Variants in NBAS observed in about 807,000 individuals in gnomAD.
NBAS encodes NAG/BC035112 fusion.
Under a neutral mutation model 302.5 loss-of-function variants are expected in NBAS, and 219 were observed. The observed-to-expected ratio is 0.72, with a 90% confidence interval of 0.65 to 0.81. The LOEUF is 0.81. NBAS is among the 30% of genes least tolerant of loss of function. NBAS has a pLI of 0.00. For missense variants in NBAS, 2,932 were observed against 2,841.6 expected (o/e 1.03, Z -0.72); for synonymous variants, 1,118 against 1,021.6 (o/e 1.09, Z -1.80).
chr2:15,488,237 T>C (rs967653375), intron 12 of NBAS, among the ~76,000 whole-genome samples: 1 of 152,194 alleles, frequency 6.6e-6, no homozygotes, highest in African/African-American at 2.4e-5. Context: ...AGATTTATAA[T>C]ACAAGCTATT....
intron 35 of NBAS, among the ~76,000 whole-genome samples, chr2:15,347,646 C>T (rs573021838): frequency 9.9e-4 from 151 of 152,164 alleles, no homozygotes; most frequent in Non-Finnish European, 2.0e-3. Flanking sequence ...ACCTTGTATA[C>T]AATCCATTTC....
At chr2:14,935,954 G>A in the NBAS span, among the ~76,000 whole-genome samples, 2 of 152,284 alleles carry the variant, frequency 1.3e-5, no homozygotes, top group Non-Finnish European at 2.9e-5. Context: ...AGGAGTCTCA[G>A]TAGAACACTG....
At chr2:15,260,936 T>C (rs1668823182) in intron 44 of NBAS, among the ~76,000 whole-genome samples, 1 of 152,228 alleles carries the variant, frequency 6.6e-6, no homozygotes, top group African/African-American at 2.4e-5. Context: ...CACAGTCTAG[T>C]GGTCTGTTTT....
the NBAS span, among the ~76,000 whole-genome samples, chr2:15,152,091 C>T: frequency 6.6e-6 from 1 of 152,164 alleles, no homozygotes; most frequent in Admixed American, 6.5e-5. Context: ...CTCAAGTGAT[C>T]CGCCTGCCTC....
the NBAS span, among the ~76,000 whole-genome samples, chr2:14,912,898 C>T: frequency 1.6e-4 from 24 of 152,012 alleles, no homozygotes; most frequent in Non-Finnish European, 3.1e-4. Flanking sequence ...TGAAATTTCC[C>T]AAGAGCATTT....
chr2:15,291,183 TGTG>T (rs1007418485), intron 41 of NBAS, among the ~76,000 whole-genome samples: 32 of 152,218 alleles, frequency 2.1e-4, no homozygotes, highest in African/African-American at 7.7e-4. Context: ...AGGGGAGGCC[TGTG>T]GTGCTGTGGT....
chr2:15,083,663 TATCACAACAAA>T, the NBAS span, among the ~76,000 whole-genome samples: 13 of 152,224 alleles, frequency 8.5e-5, no homozygotes, highest in Non-Finnish European at 1.3e-4. Context: ...CCTTTTCAAT[TATCACAACAAA>T]ATCACAGTTG....
At chr2:15,323,241 T>G (rs1406291496) in intron 38 of NBAS, among the ~76,000 whole-genome samples, 3 of 152,174 alleles carry the variant, frequency 2.0e-5, no homozygotes, top group Non-Finnish European at 4.4e-5. Context: ...ATGACTCCAA[T>G]AGACACACTG....
At chr2:15,040,004 C>T in the NBAS span, among the ~76,000 whole-genome samples, 1 of 152,202 alleles carries the variant, frequency 6.6e-6, no homozygotes, top group Non-Finnish European at 1.5e-5. Flanking sequence ...TCTTCCCCGT[C>T]TCCAGAGAGA....
chr2:14,930,907 G>T, the NBAS span, among the ~76,000 whole-genome samples: 2 of 152,180 alleles, frequency 1.3e-5, no homozygotes, highest in East Asian at 3.9e-4. Flanking sequence ...ATAATTTTCT[G>T]AGTCTTACAA....
intron 9 of NBAS, among the ~76,000 whole-genome samples, chr2:15,518,129 GAA>G (rs5829507): frequency 0.11 from 15,186 of 134,132 alleles, 2,207 homozygotes; most frequent in African/African-American, 0.35. Flanking sequence ...AAGTCTAGGG[GAA>G]AAAAAAAAAA....
chr2:15,499,820 A>T (rs1249051295), intron 11 of NBAS, among the ~76,000 whole-genome samples: 1 of 152,246 alleles, frequency 6.6e-6, no homozygotes, highest in East Asian at 1.9e-4. Context: ...AGACTATTTT[A>T]AAACGTTTTG....
At chr2:15,495,954 CA>C (rs540384768) in intron 11 of NBAS, among the ~76,000 whole-genome samples, 111 of 151,972 alleles carry the variant, frequency 7.3e-4, no homozygotes, top group Non-Finnish European at 1.3e-3. Context: ...GATATTTCCA[CA>C]AAAGAACTTG....
At chr2:15,112,375 T>A in the NBAS span, among the ~76,000 whole-genome samples, 1 of 151,936 alleles carries the variant, frequency 6.6e-6, no homozygotes, top group African/African-American at 2.4e-5. Context: ...GTGAAAAAAT[T>A]AATAAAAGGA....
At chr2:14,920,693 C>T in the NBAS span, among the ~76,000 whole-genome samples, 4 of 152,046 alleles carry the variant, frequency 2.6e-5, no homozygotes, top group South Asian at 6.2e-4. Flanking sequence ...TGTTATGGTG[C>T]GTAGTTATGT....
chr2:15,113,877 T>C, the NBAS span, among the ~76,000 whole-genome samples: 1 of 152,212 alleles, frequency 6.6e-6, no homozygotes, highest in South Asian at 2.1e-4. Context: ...AACCACCATT[T>C]TATAATCTGT....
At chr2:15,224,157 G>T (rs1270918983) in intron 47 of NBAS, among the ~76,000 whole-genome samples, 1 of 152,210 alleles carries the variant, frequency 6.6e-6, no homozygotes, top group African/African-American at 2.4e-5. Flanking sequence ...GAGGTGGAAT[G>T]AGTGTTCATC....
chr2:15,249,274 C>T (rs1668250304), intron 44 of NBAS, among the ~76,000 whole-genome samples: 1 of 152,124 alleles, frequency 6.6e-6, no homozygotes. Context: ...CCCGTTCATG[C>T]TAAAAACTCT....
At chr2:14,997,051 TA>T in the NBAS span, among the ~76,000 whole-genome samples, 275 of 149,216 alleles carry the variant, frequency 1.8e-3, 1 homozygote, top group African/African-American at 2.5e-3. Context: ...TTTTCTTTTA[TA>T]AAAAAAAAAT....
Sources: gnomAD v4.1 joint callset for allele counts (sites outside exome capture counted in the v4.1 genomes callset) on GRCh38, gnomAD v4.1.1 for gene constraint, MANE v1.5 for transcripts, NCBI Gene and HGNC (gene_info 2026-07-23, HGNC 2026-07-21) for gene names.